Variants in ZNF592 observed in about 807,000 individuals in gnomAD.
ZNF592 encodes the protein zinc finger protein 592.
In ZNF592, 11 loss-of-function variants were observed where a neutral mutation model predicts 80.3. That is an observed-to-expected ratio of 0.14 (90% CI 0.09 to 0.23). The LOEUF is 0.23. Among genes scored for constraint, ZNF592 ranks in the 10% least tolerant of loss-of-function variants. The pLI, the probability that ZNF592 is intolerant of heterozygous loss-of-function variation, is 1.00. For missense variants in ZNF592, 1,420 were observed against 1,633.9 expected, an observed-to-expected ratio of 0.87 and a Z score of 2.26; for synonymous variants, 646 against 640.3, an observed-to-expected ratio of 1.01 and a Z score of -0.13.
chr15:84,777,865 A>G (rs986099225), intron 2 of ZNF592, among the ~76,000 whole-genome samples: 33 of 151,596 alleles, frequency 2.2e-4, no homozygotes, highest in Non-Finnish European at 4.1e-4. Flanking sequence ...ACGCCCGGCT[A>G]ATTTTTTTGT....
chr15:84,802,478 T>C lies in ZNF592; in HGVS notation c.*85T>C. On this transcript the variant is annotated 3_prime_UTR_variant, in exon 11 of 11. Coordinates refer to ENST00000560079, the MANE Select transcript of ZNF592 (RefSeq NM_014630.3). ...GCGGACCGTGGAAAATAAAAGGCTC[T>C]GCCCCCAGTGTGAGTGTGACCGGTT... 2.0e-6 allele frequency: 3 copies of C among 1,502,284 alleles called. No individual in the cohort carries two copies. The highest frequency in any genetic ancestry group is 2.7e-6 in the Non-Finnish European group (3 of 1,099,218). 93.1% of individuals were successfully genotyped at this position (1,502,284 alleles called of 1,614,324 possible). A position where few individuals can be genotyped will look rare whatever the true frequency, so the allele number is the denominator to read the frequency against.
intron 3 of ZNF592, among the ~76,000 whole-genome samples, chr15:84,780,464 A>G (rs1236110038): frequency 1.3e-5 from 2 of 152,220 alleles, no homozygotes; most frequent in African/African-American, 2.4e-5. Context: ...TATGGGTTCC[A>G]ACACCTCCTG....
At chr15:84,752,059 C>T (rs1166278125) in intron 1 of ZNF592, among the ~76,000 whole-genome samples, 1 of 152,108 alleles carries the variant, frequency 6.6e-6, no homozygotes, top group South Asian at 2.1e-4. Flanking sequence ...ACCAGTCAGG[C>T]CTTTGGTTTT....
Position 84,784,633 on chromosome 15 carries a change from T to G in ZNF592, c.1958T>G (p.Val653Gly), listed in dbSNP as rs1962535173. Residue 653 changes from valine to glycine, a missense_variant, in exon 4 of 11, where the codon GTG (valine) becomes GGG (glycine). Physicochemically the swap from Val to Gly is moderately radical, Grantham distance 109 (BLOSUM62 -3). Transcript: ENST00000560079. The surrounding 1 kb of genome is among the most constrained non-coding windows in gnomAD (Gnocchi z 5.8). ...GLVMQCSQLL[V>G]KPISADQMFV... The stretch of plus-strand genomic sequence containing the variant: ...GTCATGCAGTGTTCCCAGCTGCTGG[T>G]GAAGCCTATCTCTGCGGACCAAATG... The G allele has an allele frequency of 6.2e-7, 1 of 1,614,042 alleles. No individual in the cohort carries two copies. Among genetic ancestry groups the G allele is most frequent in the Non-Finnish European group, 8.5e-7 (1 of 1,180,034 alleles).
In ZNF592 at chr15:84,798,652, C is replaced by T; in HGVS notation, c.2801C>T (p.Ser934Phe). 5 of 1,613,976 alleles carry T rather than the reference C, an allele frequency of 3.1e-6. No homozygotes were observed. Among genetic ancestry groups the T allele is most frequent in the Non-Finnish European group, 4.2e-6 (5 of 1,180,040 alleles). Reference protein sequence around the residue: ...LSSLQSSADTSSSRPGSRVPT... With the variant: ...LSSLQSSADTFSSRPGSRVPT... ...AGCCTCCAGTCTTCAGCGGACACAT[C>T]CTCAAGCCGCCCTGGCTCTCGAGTT... is the stretch of plus-strand genomic sequence containing the variant. The change falls in exon 8 of 11, where the codon TCC becomes TTC. Residue 934 changes from serine to phenylalanine, a missense_variant. Around this residue, in one of 7 missense-constraint regions of ZNF592, gnomAD observed 331 missense variants for 347.0 expected, o/e 0.95. Transcript: ENST00000560079. The surrounding 1 kb of genome is among the most constrained non-coding windows in gnomAD (Gnocchi z 4.5).
chr15:84,792,781 T>C (rs762591317), intron 5 of ZNF592, among the ~76,000 whole-genome samples: 2 of 152,230 alleles, frequency 1.3e-5, no homozygotes, highest in Non-Finnish European at 2.9e-5. Context: ...GTAGACTGAT[T>C]TCTTTTTCAT....
chr15:84,754,632 G>A (rs1245516136), intron 1 of ZNF592: 2 of 151,538 alleles, frequency 1.3e-5, no homozygotes, highest in Non-Finnish European at 2.9e-5. Context: ...CTTTGGGAGT[G>A]CTGAGGTGGG....
At chr15:84,765,403 A>G (rs1375812158) in intron 2 of ZNF592, among the ~76,000 whole-genome samples, 6 of 152,114 alleles carry the variant, frequency 3.9e-5, no homozygotes, top group Non-Finnish European at 7.4e-5. Flanking sequence ...TTGCTGGATC[A>G]TATGGTAATT....
chr15:84,777,341 G>A (rs1206299303), intron 2 of ZNF592, among the ~76,000 whole-genome samples: 3 of 151,802 alleles, frequency 2.0e-5, no homozygotes, highest in African/African-American at 7.3e-5. Context: ...GACGGGCGTG[G>A]TGATGCATGT....
chr15:84,765,373 G>A (rs1459443767), intron 2 of ZNF592, among the ~76,000 whole-genome samples: 1 of 152,048 alleles, frequency 6.6e-6, no homozygotes, highest in Non-Finnish European at 1.5e-5. Flanking sequence ...ATTCTTTTGA[G>A]TATATACCCA....
intron 10 of ZNF592, 93 bp downstream of exon 10, chr15:84,800,070 C>T: frequency 6.3e-7 from 1 of 1,587,148 alleles, no homozygotes; most frequent in Non-Finnish European, 8.6e-7. Context: ...GGCCATGGAA[C>T]AACCAGAGTG....
chr15:84,794,085 C>T (rs1423099490), intron 5 of ZNF592, among the ~76,000 whole-genome samples: 1 of 151,806 alleles, frequency 6.6e-6, no homozygotes, highest in Non-Finnish European at 1.5e-5. Flanking sequence ...ACACTGGGGC[C>T]TGTCAGCGGG....
intron 1 of ZNF592, among the ~76,000 whole-genome samples, chr15:84,762,246 A>C (rs1899374164): frequency 6.6e-6 from 1 of 152,240 alleles, no homozygotes; most frequent in African/African-American, 2.4e-5. Flanking sequence ...TAAGTAAGAT[A>C]AAATATAAGA....
At chr15:84,785,535 C>T (rs1165059256) in intron 4 of ZNF592, among the ~76,000 whole-genome samples, 1 of 152,190 alleles carries the variant, frequency 6.6e-6, no homozygotes, top group African/African-American at 2.4e-5. Flanking sequence ...TGTTCTTGAA[C>T]TCCTGGCTTC....
At chr15:84,782,148 A>G (rs1962438538) in intron 3 of ZNF592, among the ~76,000 whole-genome samples, 1 of 152,248 alleles carries the variant, frequency 6.6e-6, no homozygotes, top group Non-Finnish European at 1.5e-5. Flanking sequence ...CAAATAGCAA[A>G]TCATTTTGGA....
At position 84,802,444 on chromosome 15, in the gene ZNF592, A is replaced by G. The variant is rs1372848589; in HGVS notation, c.*51A>G. The G allele has an allele frequency of 1.9e-6, 3 of 1,602,658 alleles. No homozygotes were observed. Among genetic ancestry groups the G allele is most frequent in the East Asian group, 2.2e-5 (1 of 44,706 alleles). On this transcript the variant is annotated 3_prime_UTR_variant, in exon 11 of 11. Coordinates refer to ENST00000560079, the MANE Select transcript of ZNF592 (RefSeq NM_014630.3). ...CAGGGGTGGTGCCGAAGTGTCTTCC[A>G]CCTGCCCTGCGGACCGTGGAAAATA...
intron 1 of ZNF592, among the ~76,000 whole-genome samples, chr15:84,763,702 G>A (rs1692041495): frequency 6.6e-6 from 1 of 152,072 alleles, no homozygotes; most frequent in Admixed American, 6.6e-5. Flanking sequence ...TTACTATTTA[G>A]AATCCAAACT....
intron 5 of ZNF592, among the ~76,000 whole-genome samples, chr15:84,797,223 A>G (rs1350821675): frequency 6.6e-6 from 1 of 152,182 alleles, no homozygotes; most frequent in Non-Finnish European, 1.5e-5. Flanking sequence ...GGCCTCCCCA[A>G]GTGCTGGGAT....
At chr15:84,776,714 C>G (rs575902070) in intron 2 of ZNF592, among the ~76,000 whole-genome samples, 8 of 152,328 alleles carry the variant, frequency 5.3e-5, no homozygotes, top group African/African-American at 1.2e-4. Flanking sequence ...CAAGATCATG[C>G]CACTGCACTC....
Sources: allele counts gnomAD v4.1 joint callset (sites outside exome capture counted in the v4.1 genomes callset), GRCh38; gene constraint gnomAD v4.1.1; regional missense constraint gnomAD v4.1.1; non-coding constraint Gnocchi (gnomAD v3.1); transcripts MANE v1.5; gene names NCBI Gene and HGNC (gene_info 2026-07-23, HGNC 2026-07-21).